Variants in RABGAP1L observed in about 807,000 individuals in gnomAD.
RABGAP1L encodes the protein RAB GTPase activating protein 1 like, also known as rab GTPase-activating protein 1-like.
A neutral mutation model predicts 137.7 loss-of-function variants in RABGAP1L; 63 were observed. That is an observed-to-expected ratio of 0.46 (90% CI 0.37 to 0.56). RABGAP1L has a LOEUF of 0.56. RABGAP1L is among the 20% of genes least tolerant of loss of function. The pLI is 0.00. For synonymous variants in RABGAP1L, 431 were observed against 433.7 expected, an observed-to-expected ratio of 0.99 and a Z score of 0.08; for missense variants, 1,095 against 1,244.0, an observed-to-expected ratio of 0.88 and a Z score of 1.80.
intron 11 of RABGAP1L, among the ~76,000 whole-genome samples, chr1:174,326,770 G>A (rs184137905): frequency 3.3e-5 from 5 of 152,236 alleles, no homozygotes; most frequent in African/African-American, 9.6e-5. Context: ...GAAACAAACT[G>A]CCAAAGACAA....
chr1:174,620,716 T>A (rs895043996), intron 13 of RABGAP1L, among the ~76,000 whole-genome samples: 2 of 151,602 alleles, frequency 1.3e-5, no homozygotes, highest in African/African-American at 4.9e-5. Flanking sequence ...AACATCACAA[T>A]TAAAAGAACT....
At chr1:174,884,650 A>G (rs192591436) in intron 19 of RABGAP1L, among the ~76,000 whole-genome samples, 1 of 152,346 alleles carries the variant, frequency 6.6e-6, no homozygotes, top group East Asian at 1.9e-4. Context: ...TATCTTAAAT[A>G]AGAAAGGGAT....
At chr1:174,328,656 G>A (rs1189516666) in intron 11 of RABGAP1L, among the ~76,000 whole-genome samples, 1 of 152,080 alleles carries the variant, frequency 6.6e-6, no homozygotes, top group Non-Finnish European at 1.5e-5. Context: ...TGTAGTCCCA[G>A]CTACTTGGGA....
intron 13 of RABGAP1L, among the ~76,000 whole-genome samples, chr1:174,632,413 G>A (rs1673480714): frequency 6.7e-6 from 1 of 148,258 alleles, no homozygotes; most frequent in African/African-American, 2.5e-5. Flanking sequence ...GGCATTCTCT[G>A]TATTTCCTGA....
At chr1:174,422,317 A>T (rs1049773356) in intron 13 of RABGAP1L, among the ~76,000 whole-genome samples, 10 of 152,072 alleles carry the variant, frequency 6.6e-5, no homozygotes, top group Non-Finnish European at 1.2e-4. Flanking sequence ...ATTGGGTAAG[A>T]ATTGTCTTGT....
intron 3 of RABGAP1L, among the ~76,000 whole-genome samples, chr1:174,223,264 TAAAAAAAA>T (rs550034492): frequency 5.0e-5 from 2 of 39,848 alleles, no homozygotes; most frequent in African/African-American, 6.0e-5. Flanking sequence ...AGACTCTGTC[TAAAAAAAA>T]AAAAAAAAAA....
At chr1:174,725,497 A>G (rs907928870) in intron 17 of RABGAP1L, among the ~76,000 whole-genome samples, 1 of 152,312 alleles carries the variant, frequency 6.6e-6, no homozygotes, top group Middle Eastern at 3.4e-3. Flanking sequence ...TCTATTTGGG[A>G]AAAGAGATTT....
At chr1:174,434,151 A>ACACC (rs1361968902) in intron 13 of RABGAP1L, among the ~76,000 whole-genome samples, 19 of 147,628 alleles carry the variant, frequency 1.3e-4, no homozygotes, top group African/African-American at 3.1e-4. Context: ...ACACACACAC[A>ACACC]CCCTGCCTGG....
intron 13 of RABGAP1L, among the ~76,000 whole-genome samples, chr1:174,632,628 T>C (rs1384477724): frequency 1.3e-5 from 2 of 150,162 alleles, no homozygotes; most frequent in African/African-American, 5.0e-5. Flanking sequence ...CCCTTCTCGC[T>C]TCATTTCATT....
intron 13 of RABGAP1L, among the ~76,000 whole-genome samples, chr1:174,536,673 A>G (rs1402796670): frequency 1.3e-5 from 2 of 152,128 alleles, no homozygotes; most frequent in African/African-American, 2.4e-5. Context: ...TCTTTGGAAA[A>G]TATCTTTTGG....
chr1:174,921,565 G>A (rs1429472436), intron 19 of RABGAP1L, among the ~76,000 whole-genome samples: 1 of 152,180 alleles, frequency 6.6e-6, no homozygotes, highest in Non-Finnish European at 1.5e-5. Flanking sequence ...TCAATTAATA[G>A]CCCCTAAGGA....
intron 13 of RABGAP1L, among the ~76,000 whole-genome samples, chr1:174,413,664 C>T (rs1314957578): frequency 6.6e-6 from 1 of 151,984 alleles, no homozygotes; most frequent in Admixed American, 6.6e-5. Context: ...TTTCTGTACC[C>T]TCCTCCCCCC....
intron 11 of RABGAP1L, among the ~76,000 whole-genome samples, chr1:174,323,585 C>T (rs1397544892): frequency 1.3e-5 from 2 of 151,978 alleles, no homozygotes; most frequent in Non-Finnish European, 2.9e-5. Flanking sequence ...GAACATGAAA[C>T]TGTATCTTCC....
chr1:174,745,761 C>T (rs1434863129), intron 17 of RABGAP1L, among the ~76,000 whole-genome samples: 3 of 152,136 alleles, frequency 2.0e-5, no homozygotes, highest in African/African-American at 7.2e-5. Context: ...TTACCAAATA[C>T]TCAGTTCACT....
chr1:174,349,044 CGGG>C (rs551877098), intron 11 of RABGAP1L, among the ~76,000 whole-genome samples: 21 of 102,594 alleles, frequency 2.0e-4, no homozygotes, highest in East Asian at 2.0e-3. Context: ...GCTGGCCGGG[CGGG>C]GGGGGGGCTG....
intron 17 of RABGAP1L, among the ~76,000 whole-genome samples, chr1:174,716,502 T>G (rs750320994): frequency 3.3e-5 from 5 of 152,204 alleles, no homozygotes; most frequent in Admixed American, 1.3e-4. Context: ...ATCCAGGGCT[T>G]CTTAACCATA....
intron 14 of RABGAP1L, among the ~76,000 whole-genome samples, chr1:174,655,471 G>T (rs1675893989): frequency 6.6e-6 from 1 of 152,146 alleles, no homozygotes; most frequent in South Asian, 2.1e-4. Context: ...AACACGGAAA[G>T]AATAATCTGT....
chr1:174,472,436 C>T (rs956723022), intron 13 of RABGAP1L, among the ~76,000 whole-genome samples: 4 of 152,162 alleles, frequency 2.6e-5, no homozygotes, highest in African/African-American at 9.7e-5. Flanking sequence ...GCCTTCCAGG[C>T]CCCCAGGTTT....
At position 174,620,490 on chromosome 1, in the gene RABGAP1L, T is replaced by C. The variant is rs200755238; in HGVS notation, c.1711-16885T>C. Among the ~76,000 whole-genome samples, 56 of 152,110 alleles carry C rather than the reference T, an allele frequency of 3.7e-4. 1 individual carries two copies. The East Asian group carries it at 5.8e-3, about 16-fold the overall frequency. On this transcript the variant is annotated intron_variant, in intron 13 of 25. Transcript: ENST00000681986. ...TCAGGATTAAGACACTCACTCAAAA[T>C]CACTCAACTACATGGAAACTGAACA...
Sources: gnomAD v4.1 joint callset for allele counts (sites outside exome capture counted in the v4.1 genomes callset) on GRCh38, gnomAD v4.1.1 for gene constraint, MANE v1.5 for transcripts, NCBI Gene and HGNC (gene_info 2026-07-23, HGNC 2026-07-21) for gene names.